Variants in DMXL1 observed in about 807,000 individuals in gnomAD.
DMXL1 encodes the protein Dmx like 1.
A neutral mutation model predicts 319.2 loss-of-function variants in DMXL1; 99 were observed. That is an observed-to-expected ratio of 0.31 (90% CI 0.26 to 0.37). The LOEUF is 0.37. Among genes scored for constraint, DMXL1 ranks in the 10% least tolerant of loss-of-function variants. The pLI is 1.00. For missense variants in DMXL1, 3,745 were observed against 3,595.6 expected (o/e 1.04, Z -1.06); for synonymous variants, 1,385 against 1,235.2 (o/e 1.12, Z -2.54).
chr5:119,179,142 A>T (rs1192815437), intron 28 of DMXL1, among the ~76,000 whole-genome samples: 1 of 152,176 alleles, frequency 6.6e-6, no homozygotes, highest in African/African-American at 2.4e-5. Flanking sequence ...AAAACTTTCT[A>T]ATGTTAAAAC....
rs772977384 is a variant in DMXL1 at position 119,203,309 on chromosome 5, C to T, written c.7746-10C>T. The T allele has an allele frequency of 3.3e-6, 5 of 1,532,966 alleles. No individual in the cohort carries two copies. Among genetic ancestry groups the T allele is most frequent in the South Asian group, 2.5e-5 (2 of 79,114 alleles). 95.0% of individuals were successfully genotyped at this position (1,532,966 alleles called of 1,614,324 possible). On this transcript the variant is annotated splice_polypyrimidine_tract_variant and intron_variant, in intron 32 of 43. Coordinates refer to ENST00000539542, the MANE Select transcript of DMXL1 (RefSeq NM_001290321.3). ...AAGTTTATCATTAAATTTGCTGTCT[C>T]TCTCTGTAGATCCAAACACCATCTG...
intron 19 of DMXL1, among the ~76,000 whole-genome samples, chr5:119,156,573 T>C (rs965036470): frequency 1.3e-5 from 2 of 152,194 alleles, no homozygotes; most frequent in Non-Finnish European, 2.9e-5. Context: ...CAGCTATCTC[T>C]TCAACATACT....
intron 8 of DMXL1, among the ~76,000 whole-genome samples, 186 bp from the exon 9 acceptor site, chr5:119,120,785 T>A (rs141510046): frequency 1.0e-3 from 157 of 152,360 alleles, no homozygotes; most frequent in African/African-American, 3.6e-3. Flanking sequence ...TTCTTCAGGA[T>A]TCAAATTTGC....
chr5:119,210,955 A>C (rs1411094558), intron 34 of DMXL1, among the ~76,000 whole-genome samples: 3 of 147,664 alleles, frequency 2.0e-5, no homozygotes, highest in Non-Finnish European at 4.5e-5. Flanking sequence ...TTGCATTCCT[A>C]CTTTGTTAAG....
At chr5:119,169,870 C>T (rs1581132981) in intron 23 of DMXL1, among the ~76,000 whole-genome samples, 2 of 152,148 alleles carry the variant, frequency 1.3e-5, no homozygotes, top group East Asian at 3.9e-4. Context: ...GCAAAGCAGA[C>T]TGAGGAGAAG....
intron 16 of DMXL1, 122 bp downstream of exon 16, chr5:119,147,078 A>G (rs978609175): frequency 3.4e-6 from 4 of 1,187,358 alleles, no homozygotes; most frequent in African/African-American, 3.1e-5. Flanking sequence ...ATAACTGTAG[A>G]TTATTCAATT....
In DMXL1 at chr5:119,170,945, G is replaced by T. The variant is rs753869209; in HGVS notation, c.6154G>T (p.Gly2052Cys). 3 of 1,613,656 alleles carry T rather than the reference G, an allele frequency of 1.9e-6. No homozygotes were observed. Among genetic ancestry groups the T allele is most frequent in the Non-Finnish European group, 2.5e-6 (3 of 1,179,862 alleles). The change falls in exon 24 of 44, where the codon GGT becomes TGT. Residue 2052 changes from glycine (G) to cysteine (C), a missense_variant. Around this residue, in one of 4 missense-constraint regions of DMXL1, gnomAD observed 1,382 missense variants for 1,269.5 expected, o/e 1.09. Coordinates refer to ENST00000539542, the MANE Select transcript of DMXL1 (RefSeq NM_001290321.3). ...TTTATCTACTGGCTATGAAATAGAT[G>T]GTGGAAAATTGCGTTACCAACTATA... is the stretch of plus-strand genomic sequence containing the variant. Reference protein sequence around the residue: ...RTLSTGYEIDGGKLRYQLYHW... With the variant: ...RTLSTGYEIDCGKLRYQLYHW...
intron 1 of DMXL1, among the ~76,000 whole-genome samples, chr5:119,087,459 G>A (rs1448766286): frequency 6.6e-6 from 1 of 152,072 alleles, no homozygotes; most frequent in African/African-American, 2.4e-5. Flanking sequence ...GCATATTTGT[G>A]AAGTTTCCAA....
rs755877795 is a variant in DMXL1 at position 119,240,585 on chromosome 5, T to C, written c.8704+114T>C. Reference sequence around the variant, plus strand: ...CATATATTTATTAACCCATGAGATTTCTTTTGCCCAGGATGGCAGGATTTG... The same window carrying C: ...CATATATTTATTAACCCATGAGATTCCTTTTGCCCAGGATGGCAGGATTTG... On this transcript the variant is annotated intron_variant, in intron 42 of 43. Transcript: ENST00000539542. 1.4e-5 allele frequency: 11 copies of C among 784,924 alleles called. No individual in the cohort carries two copies. The Admixed American group carries it at 1.5e-4, about 11-fold the overall frequency. 48.6% of individuals were successfully genotyped at this position (784,924 alleles called of 1,614,324 possible). A position where few individuals can be genotyped will look rare whatever the true frequency, so the allele number is the denominator to read the frequency against.
At chr5:119,152,135 G>T in intron 19 of DMXL1, 99 bp downstream of exon 19, 2 of 719,836 alleles carry the variant, frequency 2.8e-6, no homozygotes, top group African/African-American at 1.8e-5. Context: ...TGATAATGAT[G>T]ACATATTTAA....
chr5:119,154,066 T>C (rs1310128273), intron 19 of DMXL1, among the ~76,000 whole-genome samples: 1 of 152,224 alleles, frequency 6.6e-6, no homozygotes, highest in East Asian at 1.9e-4. Flanking sequence ...TCAATAAATG[T>C]TGTGTGTACT....
intron 8 of DMXL1, among the ~76,000 whole-genome samples, chr5:119,119,534 ATT>A (rs1421977217): frequency 2.1e-5 from 3 of 142,532 alleles, no homozygotes; most frequent in Non-Finnish European, 4.6e-5. Context: ...GATTCTTCCA[ATT>A]TTTTTTTTTT....
intron 3 of DMXL1, among the ~76,000 whole-genome samples, chr5:119,102,393 T>C (rs936523677): frequency 6.6e-6 from 1 of 152,232 alleles, no homozygotes; most frequent in African/African-American, 2.4e-5. Context: ...GGCTTAACTT[T>C]CTTGCATTAT....
chr5:119,152,685 A>G (rs1770082889), intron 19 of DMXL1, among the ~76,000 whole-genome samples: 1 of 152,234 alleles, frequency 6.6e-6, no homozygotes, highest in African/African-American at 2.4e-5. Context: ...AGAGAGTTCA[A>G]AGTAAGAGAA....
chr5:119,120,346 G>A (rs554072156), intron 8 of DMXL1, among the ~76,000 whole-genome samples: 1 of 152,244 alleles, frequency 6.6e-6, no homozygotes, highest in Non-Finnish European at 1.5e-5. Flanking sequence ...ATGGTTACAT[G>A]TAGTAATAGC....
At chr5:119,142,108 AACTC>A (rs1329212754) in intron 13 of DMXL1, among the ~76,000 whole-genome samples, 1 of 152,144 alleles carries the variant, frequency 6.6e-6, no homozygotes, top group Non-Finnish European at 1.5e-5. Context: ...TACAGAAATC[AACTC>A]AAAATGGATT....
chr5:119,184,299 A>C (rs2150344295), intron 28 of DMXL1, among the ~76,000 whole-genome samples: 1 of 152,212 alleles, frequency 6.6e-6, no homozygotes, highest in East Asian at 1.9e-4. Flanking sequence ...CCTGGACTCA[A>C]GTGATCTTCC....
At chr5:119,225,200 G>A (rs1394628) in intron 38 of DMXL1, among the ~76,000 whole-genome samples, 139,723 of 152,058 alleles carry the variant, frequency 0.92, 64,320 homozygotes, top group East Asian at 1. Context: ...TTACCTCATC[G>A]TACTCAGTTT....
At chr5:119,210,757 G>GTTTTTTTTTTTTTTTTTTTTTTTTCTTTT in intron 34 of DMXL1, among the ~76,000 whole-genome samples, 2 of 89,778 alleles carry the variant, frequency 2.2e-5, no homozygotes, top group African/African-American at 8.2e-5. Context: ...TTTTTCTTTC[G>GTTTTTTTTTTTTTTTTTTTTTTTTCTTTT]TTTTTTTTTT....
Sources: allele counts gnomAD v4.1 joint callset (sites outside exome capture counted in the v4.1 genomes callset), GRCh38; gene constraint gnomAD v4.1.1; regional missense constraint gnomAD v4.1.1; transcripts MANE v1.5; gene names NCBI Gene and HGNC (gene_info 2026-07-23, HGNC 2026-07-21).